The following SYNPO variants were observed in gnomAD, a reference collection of about 807,000 sequenced individuals.
SYNPO encodes synaptopodin.
SYNPO carries 19 observed loss-of-function variants against 49.5 expected under a neutral mutation model. The observed-to-expected ratio is 0.38, with a 90% CI of 0.27 to 0.56. The LOEUF is 0.56. Ranked by LOEUF, SYNPO falls within the 20% of genes least tolerant of loss-of-function variation. The pLI is 0.68. For missense variants in SYNPO, 1,131 were observed against 1,248.3 expected (o/e 0.91, Z 1.42); for synonymous variants, 536 against 548.0 (o/e 0.98, Z 0.31).
chr5:150,601,599 G>A (rs527371224), intron 1 of SYNPO, among the ~76,000 whole-genome samples: 52 of 152,320 alleles, frequency 3.4e-4, no homozygotes, highest in African/African-American at 1.1e-3. Flanking sequence ...GTGCACACGC[G>A]AGAGCCTGTC....
intron 2 of SYNPO, chr5:150,618,782 C>T (rs1428982563): frequency 1.3e-6 from 2 of 1,550,964 alleles, no homozygotes; most frequent in Admixed American, 3.9e-5. Flanking sequence ...GCTTGTGTTC[C>T]TTTTCCCTTG....
the SYNPO span, among the ~76,000 whole-genome samples, chr5:150,590,607 T>C: frequency 6.6e-6 from 1 of 152,230 alleles, no homozygotes; most frequent in African/African-American, 2.4e-5. Context: ...GTGGCGCTTG[T>C]GTGGGCTCTG....
rs570644346 is a variant in SYNPO, at chr5:150,619,165, C to T, written c.400+398C>T. On this transcript the variant is annotated intron_variant, in intron 2 of 2. Coordinates refer to the SYNPO transcript ENST00000394243. Reference sequence around the variant, plus strand: ...CATTAAATGGATTGAGTGCTGGCTACGTGGGGGTGCTGGGGACGCGGCACT... The same window carrying T: ...CATTAAATGGATTGAGTGCTGGCTATGTGGGGGTGCTGGGGACGCGGCACT... Among the ~76,000 whole-genome samples the T allele has an allele frequency of 2.1e-4, 32 of 152,202 alleles. No individual in the cohort carries two copies. The East Asian group carries it at 2.5e-3, about 12-fold the overall frequency.
chr5:150,626,987 C>T (rs1414373852), intron 2 of SYNPO, among the ~76,000 whole-genome samples: 1 of 152,194 alleles, frequency 6.6e-6, no homozygotes, highest in Non-Finnish European at 1.5e-5. Flanking sequence ...CCTGAGCCCA[C>T]GTCACAGCTC....
intron 1 of SYNPO, among the ~76,000 whole-genome samples, chr5:150,609,292 T>C (rs1756778536): frequency 6.6e-6 from 1 of 152,184 alleles, no homozygotes; most frequent in Non-Finnish European, 1.5e-5. Flanking sequence ...TATTTTTATT[T>C]TTAATTTTTT....
At chr5:150,650,917 T>C in intron 2 of SYNPO, 2 of 1,253,730 alleles carry the variant, frequency 1.6e-6, no homozygotes, top group Non-Finnish European at 2.0e-6. Context: ...GAGCTTTGCC[T>C]CGCCTCCGCC....
At chr5:150,591,239 CT>C in the SYNPO span, among the ~76,000 whole-genome samples, 1 of 152,234 alleles carries the variant, frequency 6.6e-6, no homozygotes, top group Non-Finnish European at 1.5e-5. Context: ...TGAGAAGTCC[CT>C]GGCGGCTGCC....
upstream of SYNPO, among the ~76,000 whole-genome samples, chr5:150,598,899 G>A (rs1581439599): frequency 3.9e-5 from 6 of 152,248 alleles, no homozygotes; most frequent in South Asian, 1.2e-3. Context: ...GAAGGAGGGG[G>A]AGGTTGAGGT....
chr5:150,631,334 C>G (rs1031891132), intron 2 of SYNPO, among the ~76,000 whole-genome samples: 2 of 152,096 alleles, frequency 1.3e-5, no homozygotes, highest in African/African-American at 4.8e-5. Context: ...CCTCTGAGGG[C>G]CTTGGGACCT....
At position 150,649,414 on chromosome 5, in the gene SYNPO, T is replaced by G; in HGVS notation, c.1139T>G (p.Met380Arg). 2 of 1,614,136 alleles carry G rather than the reference T, an allele frequency of 1.2e-6. No individual in the cohort carries two copies. The highest frequency in any genetic ancestry group is 1.7e-6 in the Non-Finnish European group (2 of 1,180,028). ...GCCCGCCGGGGCAGCCGCAAATCCA[T>G]GTTTACTTTCGTGGAGAAGCCCAAG... Reference protein sequence around the residue: ...SMARRGSRKSMFTFVEKPKVT... With the variant: ...SMARRGSRKSRFTFVEKPKVT... The change falls in exon 2 of 3, where the codon ATG (methionine) becomes AGG (arginine). Residue 380 changes from methionine to arginine, a missense_variant. Met to Arg is a moderately conservative substitution (Grantham distance 91). Around this residue, in one of 4 missense-constraint regions of SYNPO, gnomAD observed 602 missense variants for 720.7 expected, o/e 0.84. Coordinates refer to ENST00000307662, the MANE Select transcript of SYNPO (RefSeq NM_007286.6).
chr5:150,634,479 A>G (rs1437657149), intron 2 of SYNPO, among the ~76,000 whole-genome samples: 2 of 152,124 alleles, frequency 1.3e-5, no homozygotes. Context: ...GTGCTATGGT[A>G]GGCATTTCAT....
chr5:150,648,168 C>A lies in SYNPO; in HGVS notation c.-108C>A, dbSNP rs775831849. ...CCTCAGAGTGCTCCCTTCAAGCCTC[C>A]CAGGCCATGCACCGGGGCTCAGCCT... On this transcript the variant is annotated 5_prime_UTR_variant, in exon 2 of 3. Transcript: ENST00000307662. The surrounding 1 kb of genome is among the most constrained non-coding windows in gnomAD (Gnocchi z 5.0). 4 of 1,562,444 alleles carry A rather than the reference C, an allele frequency of 2.6e-6. No homozygotes were observed. Among genetic ancestry groups the A allele is most frequent in the Non-Finnish European group, 3.5e-6 (4 of 1,152,868 alleles).
chr5:150,620,708 C>T (rs1230297020), intron 2 of SYNPO, among the ~76,000 whole-genome samples: 1 of 152,172 alleles, frequency 6.6e-6, no homozygotes, highest in Non-Finnish European at 1.5e-5. Flanking sequence ...TTGATAGCAT[C>T]TCACTCTTGT....
upstream of SYNPO, among the ~76,000 whole-genome samples, chr5:150,598,811 G>A (rs1320869171): frequency 6.6e-6 from 1 of 152,142 alleles, no homozygotes; most frequent in South Asian, 2.1e-4. Context: ...GAAGGCAGGG[G>A]CCGCTGATGG....
chr5:150,617,057 A>G (rs1581462351), intron 1 of SYNPO, among the ~76,000 whole-genome samples: 1 of 152,228 alleles, frequency 6.6e-6, no homozygotes, highest in Non-Finnish European at 1.5e-5. Flanking sequence ...GTGGAATGAA[A>G]GAACAGCCAA....
chr5:150,653,784 G>T (rs764619571), intron 2 of SYNPO: 6 of 152,190 alleles, frequency 3.9e-5, no homozygotes, highest in Non-Finnish European at 7.3e-5. Context: ...TCTGACCCTG[G>T]GAAGAAAACA....
rs1267556274 is a variant in SYNPO, at chr5:150,657,955, A to T, written c.*868A>T. 1 of 152,314 alleles carries T rather than the reference A, an allele frequency of 6.6e-6. No homozygotes were observed. The highest frequency in any genetic ancestry group is 6.5e-5 in the Admixed American group (1 of 15,280). 9.4% of individuals were successfully genotyped at this position (152,314 alleles called of 1,614,324 possible). ...TCATCTGTTCCTTCTGGGCCCATTC[A>T]TGGCAGGTTCTGGGCTCAAAGCTGA... On this transcript the variant is annotated 3_prime_UTR_variant, in exon 3 of 3. Coordinates refer to ENST00000307662, the MANE Select transcript of SYNPO (RefSeq NM_007286.6).
rs769828820 is a variant in SYNPO at position 150,649,183 on chromosome 5, G to A, written c.908G>A (p.Arg303Gln). The change falls in exon 2 of 3, where the codon CGA (arginine) becomes CAA (glutamine). Residue 303 changes from arginine to glutamine, a missense_variant. Around this residue, in one of 4 missense-constraint regions of SYNPO, gnomAD observed 602 missense variants for 720.7 expected, o/e 0.84. Transcript: ENST00000307662. ...GTGGAAAGGAGGATGATGGGGCAGC[G>A]AAGCCCGGCCTCAGAGAGACGCCCC... ...PMVERRMMGQ[R>Q]SPASERRPLG... The A allele has an allele frequency of 1.5e-5, 25 of 1,613,970 alleles. No homozygotes were observed. Among genetic ancestry groups the A allele is most frequent in the South Asian group, 4.4e-5 (4 of 91,072 alleles).
intron 2 of SYNPO, chr5:150,651,524 GC>G: frequency 1.0e-6 from 1 of 1,001,416 alleles, no homozygotes; most frequent in Middle Eastern, 5.2e-4. Context: ...GCGTTAGATG[GC>G]TGTGAGGGTG....
Sources: allele counts gnomAD v4.1 joint callset (sites outside exome capture counted in the v4.1 genomes callset), GRCh38; gene constraint gnomAD v4.1.1; regional missense constraint gnomAD v4.1.1; non-coding constraint Gnocchi (gnomAD v3.1); transcripts MANE v1.5; gene names NCBI Gene and HGNC (gene_info 2026-07-23, HGNC 2026-07-21).